The following SLC2A13 variants were observed in gnomAD, a reference collection of about 807,000 sequenced individuals.
The protein encoded by SLC2A13 is proton myo-inositol cotransporter.
Under a neutral mutation model 64.4 loss-of-function variants are expected in SLC2A13, and 32 were observed. The ratio of observed to expected loss-of-function variants is 0.50; its 90% CI spans 0.37 to 0.67. SLC2A13 has a LOEUF of 0.67. Ranked by LOEUF, SLC2A13 falls within the 30% of genes least tolerant of loss-of-function variation. The probability of loss-of-function intolerance (pLI) is 0.00; values close to 1 mark genes in which losing one functional copy is unlikely to be tolerated. For missense variants in SLC2A13, 743 were observed against 829.2 expected (o/e 0.90, Z 1.28); for synonymous variants, 338 against 327.1 (o/e 1.03, Z -0.36).
At chr12:40,093,641 A>G (rs1938838328) in intron 1 of SLC2A13, among the ~76,000 whole-genome samples, 2 of 152,196 alleles carry the variant, frequency 1.3e-5, no homozygotes, top group African/African-American at 4.8e-5. Context: ...GAGATGCTTG[A>G]GGAAACACAA....
intron 4 of SLC2A13, among the ~76,000 whole-genome samples, chr12:39,924,438 T>C (rs753294781): frequency 6.6e-6 from 1 of 152,188 alleles, no homozygotes; most frequent in Non-Finnish European, 1.5e-5. Context: ...ATCATTAGTA[T>C]AGAAGTATTT....
chr12:40,105,667 T>A lies in SLC2A13; in HGVS notation c.142A>T (p.Ser48Cys). 6.7e-7 allele frequency: 1 copy of A among 1,491,812 alleles called. No homozygotes were observed. The highest frequency in any genetic ancestry group is 2.4e-5 in the Admixed American group (1 of 42,392). The allele number at this position is 1,491,812 out of a possible 1,614,324, so 92.4% of individuals were successfully genotyped here. ...GCGCCCGCGCTCTGCAGGCTGGTGC[T>A]CGATTCGGCGGCAGCCAGGAGGCTG... ...ECSLLAAAES[S>C]TSLQSAGAGG... is the part of the protein sequence containing the mutation. Residue 48 changes from serine (S) to cysteine (C), a missense_variant, in exon 1 of 10, where the codon AGC becomes TGC. Around this residue, in one of 2 missense-constraint regions of SLC2A13, gnomAD observed 448 missense variants for 447.4 expected, o/e 1.00. Coordinates refer to ENST00000280871, the MANE Select transcript of SLC2A13 (RefSeq NM_052885.4). The surrounding 1 kb of genome is among the most constrained non-coding windows in gnomAD (Gnocchi z 4.2).
chr12:39,837,226 A>G (rs1943034504), intron 6 of SLC2A13, among the ~76,000 whole-genome samples: 1 of 150,974 alleles, frequency 6.6e-6, no homozygotes, highest in Non-Finnish European at 1.5e-5. Flanking sequence ...GCTGAGAAAA[A>G]CAAGCAATGG....
At chr12:39,813,423 A>C (rs1230387301) in intron 7 of SLC2A13, among the ~76,000 whole-genome samples, 1 of 152,126 alleles carries the variant, frequency 6.6e-6, no homozygotes, top group Non-Finnish European at 1.5e-5. Context: ...ATTTCATCTA[A>C]ATTGTCACTT....
chr12:39,812,974 C>T (rs7135877), intron 7 of SLC2A13, among the ~76,000 whole-genome samples: 112,292 of 138,130 alleles, frequency 0.81, 45,736 homozygotes, highest in Non-Finnish European at 0.85. Context: ...GGATTACAGG[C>T]GCCTGACATC....
rs28370759 is a variant in SLC2A13 at position 40,006,845 on chromosome 12, T to C, written c.925+21456A>G. ...ACAGATCTCAAATACACATAACAAA[T>C]TCATACTCTCTGCTGCCAAGATCAT... On this transcript the variant is annotated intron_variant, in intron 3 of 9. Coordinates refer to ENST00000280871, the MANE Select transcript of SLC2A13 (RefSeq NM_052885.4). Among the ~76,000 whole-genome samples, 1,026 of 152,298 alleles carry C rather than the reference T, an allele frequency of 6.7e-3. 8 individuals are homozygous for C. Among genetic ancestry groups the C allele is most frequent in the African/African-American group, 0.023 (950 of 41,566 alleles).
intron 3 of SLC2A13, among the ~76,000 whole-genome samples, chr12:40,008,365 T>C (rs1157102043): frequency 6.6e-6 from 1 of 152,154 alleles, no homozygotes; most frequent in Non-Finnish European, 1.5e-5. Flanking sequence ...CCCAGCACTT[T>C]GGAAGGCCAA....
intron 7 of SLC2A13, among the ~76,000 whole-genome samples, chr12:39,767,837 T>C (rs1019291643): frequency 6.6e-6 from 1 of 152,062 alleles, no homozygotes; most frequent in Non-Finnish European, 1.5e-5. Flanking sequence ...TTCCCCTTTT[T>C]ACTTGGCACT....
intron 1 of SLC2A13, among the ~76,000 whole-genome samples, chr12:40,101,545 A>C (rs576737580): frequency 1.3e-5 from 2 of 152,324 alleles, no homozygotes; most frequent in African/African-American, 4.8e-5. Context: ...AAGGTAAAAG[A>C]GCTTAAAAGT....
At chr12:39,789,245 C>T (rs1183891293) in intron 7 of SLC2A13, among the ~76,000 whole-genome samples, 2 of 151,870 alleles carry the variant, frequency 1.3e-5, no homozygotes, top group Non-Finnish European at 2.9e-5. Flanking sequence ...ATTTTCTACG[C>T]ATGTACTCCT....
rs1419854696 is a variant in SLC2A13, at chr12:39,758,023, A to AGAT, written c.*2000_*2002dup. 1.3e-5 allele frequency: 2 copies of AGAT among 151,822 alleles called. No individual in the cohort carries two copies. The highest frequency in any genetic ancestry group is 3.0e-5 in the Non-Finnish European group (2 of 67,698). 9.4% of individuals were successfully genotyped at this position (151,822 alleles called of 1,614,324 possible). On this transcript the variant is annotated 3_prime_UTR_variant, in exon 10 of 10. Transcript: ENST00000280871. ...CTTCAATTTACCTGTGTAAAATATT[A>AGAT]GATAAGAAATTTCTTATGAGATAAG...
chr12:39,886,257 G>A (rs1315445327), intron 4 of SLC2A13, among the ~76,000 whole-genome samples: 1 of 152,070 alleles, frequency 6.6e-6, no homozygotes, highest in African/African-American at 2.4e-5. Context: ...TAGTAAATTA[G>A]GCTGCTGGCT....
intron 7 of SLC2A13, among the ~76,000 whole-genome samples, chr12:39,774,122 A>T (rs2135729660): frequency 6.6e-6 from 1 of 152,334 alleles, no homozygotes; most frequent in Middle Eastern, 3.4e-3. Context: ...GAAATTTATG[A>T]TATAATTACA....
intron 4 of SLC2A13, among the ~76,000 whole-genome samples, chr12:39,939,279 G>A (rs576232816): frequency 6.6e-6 from 1 of 152,226 alleles, no homozygotes; most frequent in African/African-American, 2.4e-5. Flanking sequence ...ACAGAGACAG[G>A]TATGCAATAT....
chr12:39,994,188 G>A (rs893747428), intron 3 of SLC2A13, among the ~76,000 whole-genome samples: 2 of 151,730 alleles, frequency 1.3e-5, no homozygotes. Flanking sequence ...AGGAGATCGA[G>A]ACCATCCTGG....
Position 40,028,330 on chromosome 12 carries a change from ATGT to A in SLC2A13, c.893_895del (p.Asn298del). On this transcript the variant is annotated inframe_deletion, in exon 3 of 10. Coordinates refer to ENST00000280871, the MANE Select transcript of SLC2A13 (RefSeq NM_052885.4). ...GCCAACCTCTTTTTCCTCCTCTTCAATGTTGTTTTTGATGCTATCATATTCCTC... is the reference window on the plus strand; with the variant it reads ...GCCAACCTCTTTTTCCTCCTCTTCAATGTTTTTGATGCTATCATATTCCTC... 2 of 1,613,930 alleles carry A rather than the reference ATGT, an allele frequency of 1.2e-6. No individual in the cohort carries two copies. The highest frequency in any genetic ancestry group is 1.1e-5 in the South Asian group (1 of 91,068).
chr12:40,040,345 A>G lies in SLC2A13; in HGVS notation c.716+7706T>C, dbSNP rs561818941. On this transcript the variant is annotated intron_variant, in intron 2 of 9. Transcript: ENST00000280871. ...CATATTCTTCCCACCACACTGTAAT[A>G]TCTTCATGATAAACAGTCGTATTTA... 5.3e-5 allele frequency among the ~76,000 whole-genome samples: 8 copies of G among 152,342 alleles called. No homozygotes were observed. The South Asian group carries it at 1.7e-3, about 32-fold the overall frequency.
chr12:39,821,199 G>A (rs1942497794), intron 7 of SLC2A13, among the ~76,000 whole-genome samples: 1 of 152,074 alleles, frequency 6.6e-6, no homozygotes, highest in South Asian at 2.1e-4. Flanking sequence ...GGATCATGAG[G>A]TCAGGAGATC....
chr12:40,094,891 G>C (rs1237218603), intron 1 of SLC2A13, among the ~76,000 whole-genome samples: 1 of 152,150 alleles, frequency 6.6e-6, no homozygotes. Flanking sequence ...GACAGGGAGA[G>C]GCCTTAGCCA....
Sources: gnomAD v4.1 joint callset for allele counts (sites outside exome capture counted in the v4.1 genomes callset) on GRCh38, gnomAD v4.1.1 for gene constraint, gnomAD v4.1.1 regional missense constraint, Gnocchi (gnomAD v3.1) non-coding constraint, MANE v1.5 for transcripts, NCBI Gene and HGNC (gene_info 2026-07-23, HGNC 2026-07-21) for gene names.